The following PIP5K1A variants were observed in gnomAD, a reference collection of about 807,000 sequenced individuals.
PIP5K1A encodes the protein phosphatidylinositol 4-phosphate 5-kinase type-1 alpha.
A neutral mutation model predicts 72.9 loss-of-function variants in PIP5K1A; 46 were observed. The observed-to-expected ratio is 0.63, with a 90% CI of 0.50 to 0.81. The LOEUF (loss-of-function observed/expected upper bound fraction) is 0.81. PIP5K1A is among the 30% of genes least tolerant of loss of function. PIP5K1A has a pLI of 0.00. For missense variants in PIP5K1A, 458 were observed against 706.1 expected (o/e 0.65, Z 3.98); for synonymous variants, 228 against 255.1 (o/e 0.89, Z 1.01).
At chr1:151,199,290 C>T in intron 1 of PIP5K1A, 2 of 998,794 alleles carry the variant, frequency 2.0e-6, no homozygotes, top group South Asian at 1.7e-5. Context: ...CTTTGGTTGT[C>T]TTTGAGGAGG....
chr1:151,237,098 G>A lies in PIP5K1A; in HGVS notation c.1145+335G>A, dbSNP rs150069204. On this transcript the variant is annotated intron_variant, in intron 9 of 15. Transcript: ENST00000368888. ...ACCCGCCTTGGCCTCCCGTAGTGCA[G>A]GGATTACAGGCGTGAGCCACCGTGC... 4.5e-3 allele frequency among the ~76,000 whole-genome samples: 679 copies of A among 152,158 alleles called. 7 individuals carry two copies. The highest frequency in any genetic ancestry group is 0.016 in the African/African-American group (644 of 41,522).
intron 11 of PIP5K1A, among the ~76,000 whole-genome samples, chr1:151,239,447 A>C (rs2101571068): frequency 6.6e-6 from 1 of 151,332 alleles, no homozygotes; most frequent in Non-Finnish European, 1.5e-5. Context: ...TAATTTTTGT[A>C]TTTTTAGTAG....
At chr1:151,236,821 CTTTTTTTTTT>C (rs369523470) in intron 9 of PIP5K1A, 58 bp downstream of exon 9, 5 of 498,900 alleles carry the variant, frequency 1.0e-5, no homozygotes, top group African/African-American at 5.5e-5. Flanking sequence ...CTTTTCTTTT[CTTTTTTTTTT>C]TTTTTTTTTT....
chr1:151,196,550 A>ATTTTTTTTTTT (rs5777766), upstream of PIP5K1A, among the ~76,000 whole-genome samples: 8 of 114,746 alleles, frequency 7.0e-5, no homozygotes, highest in African/African-American at 2.3e-4. Flanking sequence ...ATGCATGGGG[A>ATTTTTTTTTTT]TTTTTTTTTT....
intron 9 of PIP5K1A, among the ~76,000 whole-genome samples, chr1:151,237,435 C>T (rs993727079): frequency 3.3e-5 from 5 of 152,106 alleles, no homozygotes; most frequent in Admixed American, 6.6e-5. Flanking sequence ...CTGAGGCAGG[C>T]GGATCACTTG....
At chr1:151,216,952 G>A (rs55878117) in intron 1 of PIP5K1A, among the ~76,000 whole-genome samples, 100,886 of 145,828 alleles carry the variant, frequency 0.69, 34,045 homozygotes, top group Middle Eastern at 0.76. Flanking sequence ...TCGCTCTGTC[G>A]CCCAGGCTAG....
intron 9 of PIP5K1A, 58 bp downstream of exon 9, chr1:151,236,821 CTTTTT>C (rs369523470): frequency 3.1e-4 from 154 of 498,762 alleles, no homozygotes; most frequent in South Asian, 2.3e-3. Context: ...CTTTTCTTTT[CTTTTT>C]TTTTTTTTTT....
chr1:151,213,764 G>A (rs1687196885), intron 1 of PIP5K1A, among the ~76,000 whole-genome samples: 3 of 152,128 alleles, frequency 2.0e-5, no homozygotes. Context: ...TGGTTTGTAT[G>A]TGTGGGACTG....
chr1:151,212,036 C>T (rs767701071), intron 1 of PIP5K1A, among the ~76,000 whole-genome samples: 10 of 151,662 alleles, frequency 6.6e-5, no homozygotes, highest in Non-Finnish European at 8.8e-5. Flanking sequence ...GGCGTGAATC[C>T]GCAAGGCAGA....
At chr1:151,239,525 G>C (rs1691379270) in intron 11 of PIP5K1A, among the ~76,000 whole-genome samples, 1 of 150,814 alleles carries the variant, frequency 6.6e-6, no homozygotes. Context: ...CGCCTACCTT[G>C]GCCTCCCAAA....
intron 1 of PIP5K1A, among the ~76,000 whole-genome samples, chr1:151,213,047 C>T (rs775150474): frequency 1.2e-4 from 19 of 152,052 alleles, no homozygotes; most frequent in Admixed American, 2.0e-4. Flanking sequence ...CCCGCCACCA[C>T]GCCCGGCTAT....
At chr1:151,240,376 G>A (rs181749297) in intron 12 of PIP5K1A, 19 of 281,910 alleles carry the variant, frequency 6.7e-5, no homozygotes, top group East Asian at 3.7e-4. Flanking sequence ...ACAGAGATAC[G>A]CAGTGAGGTT....
At chr1:151,237,912 T>TG (rs1230264210) in intron 9 of PIP5K1A, among the ~76,000 whole-genome samples, 2 of 152,118 alleles carry the variant, frequency 1.3e-5, no homozygotes, top group African/African-American at 4.8e-5. Context: ...TTCTCTTTGG[T>TG]GGAATCAGAG....
chr1:151,234,477 C>T lies in PIP5K1A; in HGVS notation c.920C>T (p.Thr307Ile), dbSNP rs183966255. 1.2e-6 allele frequency: 2 copies of T among 1,613,900 alleles called. No individual in the cohort carries two copies. The highest frequency in any genetic ancestry group is 1.3e-5 in the African/African-American group (1 of 75,018). Residue 307 changes from threonine (T) to isoleucine (I), a missense_variant, in exon 8 of 16, where the codon ACC becomes ATC. Coordinates refer to ENST00000368888, the MANE Select transcript of PIP5K1A (RefSeq NM_001135638.2). ...GACATGTACAACGCTCTCTGTAAGA[C>T]CCTGCAGCGTGACTGTTTGGTGAGT... ...DADMYNALCK[T>I]LQRDCLVLQS...
chr1:151,197,234 G>T (rs1684636649), upstream of PIP5K1A, among the ~76,000 whole-genome samples: 1 of 151,818 alleles, frequency 6.6e-6, no homozygotes, highest in African/African-American at 2.4e-5. Context: ...CTGGAAAGAG[G>T]ATAACCAGGT....
chr1:151,245,987 C>G (rs587671089), intron 14 of PIP5K1A, among the ~76,000 whole-genome samples: 127 of 152,242 alleles, frequency 8.3e-4, no homozygotes, highest in African/African-American at 3.0e-3. Flanking sequence ...TGGCTCACAC[C>G]TATAATCCTG....
chr1:151,210,360 T>A (rs1036764111), intron 1 of PIP5K1A, among the ~76,000 whole-genome samples: 2 of 151,744 alleles, frequency 1.3e-5, no homozygotes, highest in Non-Finnish European at 2.9e-5. Flanking sequence ...CTGTTTTTTT[T>A]TTTTTCTTAA....
chr1:151,221,883 G>A (rs1404795380), intron 1 of PIP5K1A, among the ~76,000 whole-genome samples: 1 of 152,094 alleles, frequency 6.6e-6, no homozygotes, highest in East Asian at 1.9e-4. Flanking sequence ...ACCAGCCTGG[G>A]CAACATAGTG....
chr1:151,223,651 A>G (rs587707538), intron 1 of PIP5K1A, among the ~76,000 whole-genome samples: 1 of 151,422 alleles, frequency 6.6e-6, no homozygotes, highest in South Asian at 2.1e-4. Flanking sequence ...TCTCAAAAAA[A>G]AAAAAAAAGC....
Sources: allele counts gnomAD v4.1 joint callset (sites outside exome capture counted in the v4.1 genomes callset), GRCh38; gene constraint gnomAD v4.1.1; transcripts MANE v1.5; gene names NCBI Gene and HGNC (gene_info 2026-07-23, HGNC 2026-07-21).